DOP1B: variants seen among roughly 807,000 people sequenced by gnomAD.
DOP1B encodes protein DOP1B.
A neutral mutation model predicts 233.5 loss-of-function variants in DOP1B; 174 were observed. That is an observed-to-expected ratio of 0.75 (90% confidence interval 0.66 to 0.85). The LOEUF (loss-of-function observed/expected upper bound fraction) is 0.85, where lower values mean the gene tolerates loss of function less well. Ranked by LOEUF, DOP1B falls within the 40% of genes least tolerant of loss-of-function variation. DOP1B has a pLI of 0.00. For missense variants in DOP1B, 2,652 were observed against 2,846.6 expected (o/e 0.93, Z 1.56); for synonymous variants, 1,190 against 1,185.6 (o/e 1.00, Z -0.08).
chr21:36,274,032 C>G (rs761888696), intron 27 of DOP1B, among the ~76,000 whole-genome samples: 1 of 151,978 alleles, frequency 6.6e-6, no homozygotes, highest in Non-Finnish European at 1.5e-5. Flanking sequence ...GAGCCGAGAT[C>G]GCGCCGCTCC....
intron 26 of DOP1B, among the ~76,000 whole-genome samples, chr21:36,267,503 G>T (rs1449994415): frequency 6.6e-6 from 1 of 152,130 alleles, no homozygotes; most frequent in Non-Finnish European, 1.5e-5. Context: ...GGGCAACATA[G>T]GGAGACCCCA....
chr21:36,245,722 G>C lies in DOP1B; in HGVS notation c.3742G>C (p.Glu1248Gln). Reference sequence around the variant, plus strand: ...GGTCCTCTATGCCTTCTCGGTGCTGGAGGCTGTGCTCAAAACCAACCCTAA... The same window carrying C: ...GGTCCTCTATGCCTTCTCGGTGCTGCAGGCTGTGCTCAAAACCAACCCTAA... ...RRVLYAFSVLEAVLKTNPKEF... is the reference protein window; with the variant it reads ...RRVLYAFSVLQAVLKTNPKEF... Residue 1248 changes from glutamate (E) to glutamine (Q), a missense_variant, in exon 19 of 37, where the codon GAG becomes CAG. Around this residue, in one of 3 missense-constraint regions of DOP1B, gnomAD observed 2,617 missense variants for 2,794.3 expected, o/e 0.94. Transcript: ENST00000691173. The surrounding 1 kb of genome is among the most constrained non-coding windows in gnomAD (Gnocchi z 5.5). The C allele has an allele frequency of 1.2e-6, 2 of 1,613,896 alleles. No individual in the cohort carries two copies. Among genetic ancestry groups the C allele is most frequent in the Non-Finnish European group, 1.7e-6 (2 of 1,180,012 alleles).
intron 5 of DOP1B, 33 bp from the exon 6 acceptor site, chr21:36,211,520 C>G: frequency 6.3e-7 from 1 of 1,596,032 alleles, no homozygotes; most frequent in Non-Finnish European, 8.6e-7. Context: ...AAAGAGTAGC[C>G]TGAAAATGCT....
intron 26 of DOP1B, among the ~76,000 whole-genome samples, chr21:36,266,217 C>T (rs1304120652): frequency 3.3e-5 from 5 of 152,144 alleles, no homozygotes; most frequent in Admixed American, 6.5e-5. Context: ...GCTCTTGTTG[C>T]CCAAGCTGGA....
At chr21:36,172,839 C>T (rs553738806) in intron 2 of DOP1B, among the ~76,000 whole-genome samples, 24 of 152,026 alleles carry the variant, frequency 1.6e-4, no homozygotes, top group African/African-American at 3.1e-4. Flanking sequence ...GAGAGTTGGG[C>T]GGGGCGCAGT....
Position 36,251,187 on chromosome 21 carries a change from T to C in DOP1B, c.5024T>C (p.Phe1675Ser). 4 of 1,613,656 alleles carry C rather than the reference T, an allele frequency of 2.5e-6. No homozygotes were observed. The highest frequency in any genetic ancestry group is 3.4e-6 in the Non-Finnish European group (4 of 1,179,914). The change falls in exon 22 of 37, where the codon TTC becomes TCC. Residue 1675 changes from phenylalanine (F) to serine (S), a missense_variant. Coordinates refer to ENST00000691173, the MANE Select transcript of DOP1B (RefSeq NM_001320714.2). ...ACCATAAGACAAAAAATTTTAGACT[T>C]CTTAAACCCCTTGACGGCCCATCTT... is the stretch of plus-strand genomic sequence containing the variant. ...TKTIRQKILD[F>S]LNPLTAHLGV...
chr21:36,184,198 A>G (rs1263069910), intron 2 of DOP1B, among the ~76,000 whole-genome samples: 1 of 151,974 alleles, frequency 6.6e-6, no homozygotes, highest in Non-Finnish European at 1.5e-5. Context: ...ACAGATGTGC[A>G]CCACCACACC....
At chr21:36,261,624 T>A in intron 24 of DOP1B, 1 of 985,056 alleles carries the variant, frequency 1.0e-6, no homozygotes. Context: ...GAGGGTGAGG[T>A]GGCTGGGTGC....
chr21:36,284,285 T>TTTTTTTTTC (rs1370992712), intron 32 of DOP1B, among the ~76,000 whole-genome samples: 1 of 118,650 alleles, frequency 8.4e-6, no homozygotes, highest in Non-Finnish European at 1.8e-5. Flanking sequence ...TTTTTTTTTT[T>TTTTTTTTTC]TTTGAGACGG....
intron 4 of DOP1B, among the ~76,000 whole-genome samples, chr21:36,206,816 C>A (rs950591195): frequency 1.3e-5 from 2 of 152,234 alleles, no homozygotes; most frequent in African/African-American, 4.8e-5. Flanking sequence ...GAAGACCAAT[C>A]AATAACCTCA....
chr21:36,203,644 T>TCG (rs575981503), intron 4 of DOP1B, among the ~76,000 whole-genome samples: 1 of 150,840 alleles, frequency 6.6e-6, no homozygotes, highest in South Asian at 2.1e-4. Context: ...GAGGGTGCAG[T>TCG]GGGGGGGGTC....
rs1013377998 is a variant in DOP1B, at chr21:36,287,866, C to T, written c.6161-148C>T. The T allele has an allele frequency of 7.0e-5, 70 of 993,628 alleles. No homozygotes were observed. In the Admixed American group the frequency reaches 8.6e-4, roughly 12 times the overall value. 61.6% of individuals were successfully genotyped at this position (993,628 alleles called of 1,614,324 possible). The stretch of plus-strand genomic sequence containing the variant: ...TCCCAAAGTGCTGGGATTACAAGTG[C>T]GAGCCACCAAGCCTGGCCTGTAACA... On this transcript the variant is annotated intron_variant, in intron 32 of 36. Transcript: ENST00000691173.
chr21:36,277,215 GAGCTCGTCC>G, intron 28 of DOP1B, 115 bp downstream of exon 28: 1 of 1,009,312 alleles, frequency 9.9e-7, no homozygotes, highest in South Asian at 1.5e-5. Context: ...CCTCCCAGGT[GAGCTCGTCC>G]ATCAGGCAGC....
chr21:36,214,699 T>C, intron 9 of DOP1B, 143 bp downstream of exon 9: 2 of 801,836 alleles, frequency 2.5e-6, no homozygotes, highest in Non-Finnish European at 3.9e-6. Context: ...AGTCATGTTA[T>C]ATGGTTCAAT....
chr21:36,251,837 G>A (rs1185207818), intron 22 of DOP1B, among the ~76,000 whole-genome samples: 1 of 152,182 alleles, frequency 6.6e-6, no homozygotes, highest in Non-Finnish European at 1.5e-5. Context: ...TTTCTGTAAT[G>A]AGTATATAGT....
At chr21:36,219,318 C>T (rs948403986) in intron 9 of DOP1B, 54 bp from the exon 10 acceptor site, 1 of 1,609,634 alleles carries the variant, frequency 6.2e-7, no homozygotes, top group Admixed American at 1.7e-5. Flanking sequence ...ATGTCACTTA[C>T]TGATTTAAAG....
rs565460582 is a variant in DOP1B at position 36,271,471 on chromosome 21, C to T, written c.5632+1314C>T. 4.3e-4 allele frequency among the ~76,000 whole-genome samples: 66 copies of T among 152,142 alleles called. 1 individual carries two copies. The highest frequency in any genetic ancestry group is 7.5e-4 in the Non-Finnish European group (51 of 68,006). On this transcript the variant is annotated intron_variant, in intron 27 of 36. Coordinates refer to ENST00000691173, the MANE Select transcript of DOP1B (RefSeq NM_001320714.2). The stretch of plus-strand genomic sequence containing the variant: ...GTGGTTAGTAAAGACAGCGTTTCAC[C>T]ATGTTGGCCAGGCTGGTCTCAAACT...
chr21:36,187,212 C>G (rs1179825017), intron 2 of DOP1B, among the ~76,000 whole-genome samples: 1 of 147,486 alleles, frequency 6.8e-6, no homozygotes, highest in Non-Finnish European at 1.5e-5. Flanking sequence ...CTCCCTTCCC[C>G]TCCTCTCCCC....
chr21:36,178,043 G>A (rs1175412881), intron 2 of DOP1B, among the ~76,000 whole-genome samples: 1 of 152,156 alleles, frequency 6.6e-6, no homozygotes, highest in Non-Finnish European at 1.5e-5. Context: ...AGGTGCTGTG[G>A]ACTGAATTGT....
Sources: allele counts gnomAD v4.1 joint callset (sites outside exome capture counted in the v4.1 genomes callset), GRCh38; gene constraint gnomAD v4.1.1; regional missense constraint gnomAD v4.1.1; non-coding constraint Gnocchi (gnomAD v3.1); transcripts MANE v1.5; gene names NCBI Gene and HGNC (gene_info 2026-07-23, HGNC 2026-07-21).